The following KATNIP variants were observed in gnomAD, a reference collection of about 807,000 sequenced individuals.
KATNIP encodes the protein katanin interacting protein.
A neutral mutation model predicts 174.0 loss-of-function variants in KATNIP; 126 were observed. The ratio of observed to expected loss-of-function variants is 0.72; its 90% CI spans 0.63 to 0.84. KATNIP has a LOEUF of 0.84. KATNIP is among the 40% of genes least tolerant of loss of function. The pLI is 0.00. For missense variants in KATNIP, 1,958 were observed against 2,109.7 expected (o/e 0.93, Z 1.41); for synonymous variants, 810 against 835.7 (o/e 0.97, Z 0.53).
Position 27,777,837 on chromosome 16 carries a change from G to A in KATNIP, c.4713-44G>A, listed in dbSNP as rs374594676. ...AGGAGGATGGATGGCTGGGACACAC[G>A]GCCAGGAGCCTGATCGAATCTTGTG... On this transcript the variant is annotated intron_variant, in intron 26 of 27. Transcript: ENST00000261588. This position sits in a 1 kb window ranked among gnomAD's most constrained non-coding sequence, Gnocchi z 4.4. 1.4e-5 allele frequency: 23 copies of A among 1,612,404 alleles called. No homozygotes were observed. The highest frequency in any genetic ancestry group is 1.2e-4 in the African/African-American group (9 of 74,904).
Position 27,698,322 on chromosome 16 carries a change from C to T in KATNIP, c.941-6C>T. 1.2e-6 allele frequency: 2 copies of T among 1,605,432 alleles called. No homozygotes were observed. Among genetic ancestry groups the T allele is most frequent in the African/African-American group, 1.3e-5 (1 of 74,902 alleles). Reference sequence around the variant, plus strand: ...AAAAGAACGTCCCCCTGTCTTCTGCCCTCAGGACCTGGAAGCCGGCGAGAG... The same window carrying T: ...AAAAGAACGTCCCCCTGTCTTCTGCTCTCAGGACCTGGAAGCCGGCGAGAG... On this transcript the variant is annotated splice_polypyrimidine_tract_variant and splice_region_variant and intron_variant, in intron 8 of 27. Transcript: ENST00000261588.
At chr16:27,550,240 C>G in intron 1 of KATNIP, 63 bp downstream of exon 1, 1 of 1,571,332 alleles carries the variant, frequency 6.4e-7, no homozygotes, top group Non-Finnish European at 8.7e-7. Context: ...CCCGACCGCG[C>G]TTTGGGCAGA....
At position 27,731,121 on chromosome 16, in the gene KATNIP, C is replaced by T. The variant is rs1001045844; in HGVS notation, c.1744-8920C>T. 2.0e-5 allele frequency among the ~76,000 whole-genome samples: 3 copies of T among 147,316 alleles called. No individual in the cohort carries two copies. The South Asian group carries it at 6.2e-4, about 31-fold the overall frequency. ...CCTTTGCATCCCACACAGGCCAGGA[C>T]CCCCCCGTCCCCCACCAAAAGACCC... On this transcript the variant is annotated intron_variant, in intron 14 of 27. Coordinates refer to ENST00000261588, the MANE Select transcript of KATNIP (RefSeq NM_015202.5).
intron 1 of KATNIP, among the ~76,000 whole-genome samples, chr16:27,557,202 C>T (rs907357192): frequency 2.6e-4 from 38 of 146,858 alleles, no homozygotes; most frequent in African/African-American, 8.9e-4. Flanking sequence ...AGTACAGTGG[C>T]GCGATCTTGG....
rs761588865 is a variant in KATNIP, at chr16:27,749,935, G to A, written c.2975G>A (p.Gly992Asp). The change falls in exon 16 of 28, where the codon GGC (glycine) becomes GAC (aspartate). Residue 992 changes from glycine (G) to aspartate (D), a missense_variant. Physicochemically the swap from Gly to Asp is moderately conservative, Grantham distance 94. Transcript: ENST00000261588. ...KSTWGDRHYVGLNGIEIFSSK... is the reference protein window; with the variant it reads ...KSTWGDRHYVDLNGIEIFSSK... ...ACCTGGGGGGACAGACACTATGTCG[G>A]CCTCAACGGAATAGAAATATTCAGT... 2 of 1,614,138 alleles carry A rather than the reference G, an allele frequency of 1.2e-6. No homozygotes were observed.
intron 5 of KATNIP, among the ~76,000 whole-genome samples, chr16:27,638,042 G>A (rs1395262189): frequency 2.0e-5 from 3 of 152,126 alleles, no homozygotes; most frequent in African/African-American, 4.8e-5. Flanking sequence ...CTCCACACAC[G>A]GTTTTACACT....
chr16:27,613,542 G>A (rs1320457328), intron 2 of KATNIP, among the ~76,000 whole-genome samples: 2 of 151,898 alleles, frequency 1.3e-5, no homozygotes, highest in Non-Finnish European at 2.9e-5. Flanking sequence ...ATATATTAAC[G>A]GTCATTTTAA....
At chr16:27,605,213 G>A (rs1010869178) in intron 2 of KATNIP, among the ~76,000 whole-genome samples, 4 of 152,146 alleles carry the variant, frequency 2.6e-5, no homozygotes, top group Non-Finnish European at 2.9e-5. Context: ...GATTACAGGC[G>A]TGGGCCACCA....
At chr16:27,669,940 C>T (rs1448049506) in intron 6 of KATNIP, among the ~76,000 whole-genome samples, 1 of 151,878 alleles carries the variant, frequency 6.6e-6, no homozygotes, top group Non-Finnish European at 1.5e-5. Context: ...TTCCCACCTC[C>T]GCTTCCCAAA....
chr16:27,557,573 G>T (rs1432075266), intron 1 of KATNIP, among the ~76,000 whole-genome samples: 2 of 151,774 alleles, frequency 1.3e-5, no homozygotes, highest in Non-Finnish European at 2.9e-5. Context: ...GACTACAGGT[G>T]TGTGCCACCA....
intron 2 of KATNIP, among the ~76,000 whole-genome samples, chr16:27,610,949 A>G (rs1259374042): frequency 6.6e-6 from 1 of 152,076 alleles, no homozygotes; most frequent in Non-Finnish European, 1.5e-5. Flanking sequence ...CACTTGTCCC[A>G]CCTTTGCTTC....
chr16:27,741,677 C>CAGATA (rs2143585325), intron 15 of KATNIP, among the ~76,000 whole-genome samples: 1 of 152,248 alleles, frequency 6.6e-6, no homozygotes, highest in Non-Finnish European at 1.5e-5. Context: ...CCGAGGCGGG[C>CAGATA]AGATAACCTG....
chr16:27,582,548 A>G (rs1341708575), intron 2 of KATNIP, among the ~76,000 whole-genome samples: 1 of 152,192 alleles, frequency 6.6e-6, no homozygotes, highest in Non-Finnish European at 1.5e-5. Flanking sequence ...GGTAACATTG[A>G]CAACTTCTGA....
chr16:27,761,048 G>A (rs1006964109), intron 18 of KATNIP, among the ~76,000 whole-genome samples: 2 of 152,220 alleles, frequency 1.3e-5, no homozygotes, highest in Non-Finnish European at 2.9e-5. Flanking sequence ...CTGGTGCACA[G>A]TGAGGTCAGA....
chr16:27,730,200 A>C lies in KATNIP; in HGVS notation c.1743+8505A>C, dbSNP rs370415132. Reference sequence around the variant, plus strand: ...GAAGAAGGCTGAACACAGGCTGTGCACTGGTTACCAGATGCAGTTCACAGG... The same window carrying C: ...GAAGAAGGCTGAACACAGGCTGTGCCCTGGTTACCAGATGCAGTTCACAGG... On this transcript the variant is annotated intron_variant, in intron 14 of 27. Coordinates refer to ENST00000261588, the MANE Select transcript of KATNIP (RefSeq NM_015202.5). Among the ~76,000 whole-genome samples the C allele has an allele frequency of 2.6e-4, 40 of 152,390 alleles. 1 individual carries two copies. Among genetic ancestry groups the C allele is most frequent in the African/African-American group, 9.6e-4 (40 of 41,598 alleles).
intron 14 of KATNIP, among the ~76,000 whole-genome samples, chr16:27,726,288 T>A (rs1743334526): frequency 6.6e-6 from 1 of 152,128 alleles, no homozygotes; most frequent in Non-Finnish European, 1.5e-5. Flanking sequence ...ACAAAACCAG[T>A]CCCTGGTGCC....
chr16:27,725,375 G>T (rs960190341), intron 14 of KATNIP, among the ~76,000 whole-genome samples: 18 of 152,178 alleles, frequency 1.2e-4, no homozygotes, highest in African/African-American at 4.3e-4. Flanking sequence ...ACAGCTTGCT[G>T]GAGTGCCGTC....
chr16:27,613,645 T>C (rs1414663068), intron 2 of KATNIP, among the ~76,000 whole-genome samples: 4 of 152,308 alleles, frequency 2.6e-5, no homozygotes, highest in Non-Finnish European at 5.9e-5. Flanking sequence ...AATGGGGTAA[T>C]AATCACTACT....
rs1369138779 is a variant in KATNIP, at chr16:27,776,033, G to C, written c.4450-895G>C. ...ATTTTCCATTGTCTAGCACTGGAAG[G>C]CCTTTTGGGGTGCGGCGACTTCAGC... On this transcript the variant is annotated intron_variant, in intron 24 of 27. Coordinates refer to ENST00000261588, the MANE Select transcript of KATNIP (RefSeq NM_015202.5). This position sits in a 1 kb window ranked among gnomAD's most constrained non-coding sequence, Gnocchi z 4.7. Among the ~76,000 whole-genome samples, 1 of 152,174 alleles carries C rather than the reference G, an allele frequency of 6.6e-6. No individual in the cohort carries two copies. Among genetic ancestry groups the C allele is most frequent in the Non-Finnish European group, 1.5e-5 (1 of 68,034 alleles).
Sources: allele counts gnomAD v4.1 joint callset (sites outside exome capture counted in the v4.1 genomes callset), GRCh38; gene constraint gnomAD v4.1.1; non-coding constraint Gnocchi (gnomAD v3.1); transcripts MANE v1.5; gene names NCBI Gene and HGNC (gene_info 2026-07-23, HGNC 2026-07-21).